Variants in BEND2 observed in about 807,000 individuals in gnomAD.
BEND2 encodes BEN domain containing 2, also known as BEN domain-containing protein 2.
Under a neutral mutation model 43.8 loss-of-function variants are expected in BEND2, and 19 were observed. That is an observed-to-expected ratio of 0.43 (90% CI 0.30 to 0.64). BEND2 has a LOEUF of 0.64. BEND2 is among the 30% of genes least tolerant of loss of function. The pLI is 0.11. For synonymous variants in BEND2, 226 were observed against 210.1 expected (o/e 1.08, Z -0.66); for missense variants, 544 against 574.0 (o/e 0.95, Z 0.53).
intron 2 of BEND2, among the ~76,000 whole-genome samples, chrX:18,214,599 G>A (rs961135739): frequency 4.5e-4 from 49 of 109,416 alleles, no homozygotes; most frequent in Non-Finnish European, 6.7e-4. Context: ...TGAGGCGGGC[G>A]GATCACTTGA....
intron 6 of BEND2, 151 bp from the exon 7 acceptor site, chrX:18,195,593 T>C (rs921309483): frequency 7.5e-5 from 40 of 533,883 alleles, no homozygotes; most frequent in Admixed American, 2.1e-4. Context: ...TAAAGGAAAA[T>C]CTCCAGGCCT....
At chrX:18,170,387 C>A (rs749032457) in intron 13 of BEND2, among the ~76,000 whole-genome samples, 1 of 111,880 alleles carries the variant, frequency 8.9e-6, no homozygotes, top group East Asian at 2.8e-4. Context: ...AACCAGGTTT[C>A]TTTATTCTGA....
At chrX:18,198,296 C>G (rs1204112436) in intron 6 of BEND2, among the ~76,000 whole-genome samples, 1 of 109,745 alleles carries the variant, frequency 9.1e-6, no homozygotes, top group Admixed American at 9.8e-5. Flanking sequence ...TTTTCGCAAC[C>G]TACTCATCTG....
chrX:18,210,234 A>C (rs1356542388), intron 4 of BEND2, among the ~76,000 whole-genome samples: 2 of 111,596 alleles, frequency 1.8e-5, no homozygotes, highest in Non-Finnish European at 3.8e-5. Flanking sequence ...GCTTTCTTGG[A>C]ATATATTTGG....
chrX:18,178,048 C>G (rs747612256), intron 9 of BEND2, among the ~76,000 whole-genome samples: 1 of 111,140 alleles, frequency 9.0e-6, no homozygotes, highest in Non-Finnish European at 1.9e-5. Flanking sequence ...CTACTCTGTT[C>G]ATTAGCTTGA....
chrX:18,201,979 C>T, intron 5 of BEND2, 39 bp from the exon 6 acceptor site: 1 of 1,162,055 alleles, frequency 8.6e-7, no homozygotes, highest in Non-Finnish European at 1.2e-6. Flanking sequence ...AATACAAGAA[C>T]TTCACCCACA....
chrX:18,195,785 G>A (rs1178046822), intron 6 of BEND2, among the ~76,000 whole-genome samples: 1 of 109,542 alleles, frequency 9.1e-6, no homozygotes, highest in Non-Finnish European at 1.9e-5. Flanking sequence ...GAGGCTGAGG[G>A]AGGGTCACCT....
intron 13 of BEND2, among the ~76,000 whole-genome samples, chrX:18,168,865 G>A (rs1219828242): frequency 8.9e-6 from 1 of 111,974 alleles, no homozygotes; most frequent in Non-Finnish European, 1.9e-5. Context: ...TCATTCAATG[G>A]GATATGAATC....
At chrX:18,215,703 T>G (rs183429877) in intron 2 of BEND2, among the ~76,000 whole-genome samples, 2 of 112,476 alleles carry the variant, frequency 1.8e-5, no homozygotes, top group Non-Finnish European at 3.7e-5. Context: ...AGAGAACTTA[T>G]GGCCTGCAAA....
chrX:18,194,673 C>T (rs1924878889), intron 7 of BEND2, among the ~76,000 whole-genome samples: 1 of 111,417 alleles, frequency 9.0e-6, no homozygotes, highest in African/African-American at 3.3e-5. Context: ...TAGGAATAAA[C>T]TATTAATAGA....
intron 4 of BEND2, among the ~76,000 whole-genome samples, chrX:18,204,303 A>G (rs1925264576): frequency 1.8e-5 from 2 of 112,329 alleles, no homozygotes; most frequent in Admixed American, 1.9e-4. Context: ...CTGCTATTAA[A>G]GTAAGTAGAG....
rs983659355 is a variant in BEND2 at position 18,163,189 on chromosome X, T to C, written c.*1820A>G. 2 of 111,310 alleles carry C rather than the reference T, an allele frequency of 1.8e-5. No individual in the cohort carries two copies. The highest frequency in any genetic ancestry group is 6.5e-5 in the African/African-American group (2 of 30,636). The allele number at this position is 111,310 out of a possible 1,213,427, so 9.2% of individuals were successfully genotyped here. A position where few individuals can be genotyped will look rare whatever the true frequency, so the allele number is the denominator to read the frequency against. On this transcript the variant is annotated 3_prime_UTR_variant, in exon 14 of 14. Coordinates refer to ENST00000380033, the MANE Select transcript of BEND2 (RefSeq NM_153346.5). ...TGATCCTCCCTCTTGAGCCCAGGAG[T>C]TCCAGATAAGCCTGGGCAATATAGC...
rs1313086616 is a variant in BEND2, at chrX:18,174,212, G to A, written c.1799C>T (p.Ala600Val). The A allele has an allele frequency of 6.6e-6, 8 of 1,211,706 alleles. No homozygotes were observed. Among genetic ancestry groups the A allele is most frequent in the Non-Finnish European group, 7.8e-6 (7 of 895,478 alleles). ...CCTTTGGTCATTTCTATCTGCAGAT[G>A]CCGATGCAACACGGTTGGTACGTTT... ...NKKRTNRVAS[A>V]SADRNDQRGR... The change falls in exon 12 of 14, where the codon GCA becomes GTA. Residue 600 changes from alanine (A) to valine (V), a missense_variant. Ala to Val is a moderately conservative substitution (Grantham distance 64). Transcript: ENST00000380033.
chrX:18,181,710 G>A (rs1012731653), intron 8 of BEND2, among the ~76,000 whole-genome samples: 4 of 111,515 alleles, frequency 3.6e-5, no homozygotes, highest in East Asian at 2.8e-4. Context: ...AGTCACATAC[G>A]TATACAGTAA....
At chrX:18,219,203 C>T (rs1326170628) in intron 1 of BEND2, among the ~76,000 whole-genome samples, 4 of 112,436 alleles carry the variant, frequency 3.6e-5, no homozygotes, top group Non-Finnish European at 7.5e-5. Flanking sequence ...CAGCCCACGC[C>T]TCGCTTTAGA....
chrX:18,207,577 T>A (rs1414167875), intron 4 of BEND2, among the ~76,000 whole-genome samples: 4 of 112,302 alleles, frequency 3.6e-5, no homozygotes, highest in Non-Finnish European at 5.6e-5. Context: ...AGTTATGGGC[T>A]TTTTTGTGAA....
intron 13 of BEND2, among the ~76,000 whole-genome samples, chrX:18,169,089 G>A (rs1423821810): frequency 1.8e-5 from 2 of 109,594 alleles, no homozygotes; most frequent in Non-Finnish European, 3.8e-5. Context: ...GGGTTGCAGT[G>A]AGCCACGATC....
In BEND2 at chrX:18,177,491, T is replaced by G. The variant is rs1179789091; in HGVS notation, c.1630+78A>C. ...TTTACACAGACTTATTGTTATTCCT[T>G]CAACTGCCAATAACATTCATTATAT... On this transcript the variant is annotated intron_variant, in intron 10 of 13. Coordinates refer to ENST00000380033, the MANE Select transcript of BEND2 (RefSeq NM_153346.5). 3 of 1,002,495 alleles carry G rather than the reference T, an allele frequency of 3.0e-6. No homozygotes were observed. The African/African-American group carries it at 5.7e-5, about 19-fold the overall frequency. 82.6% of individuals were successfully genotyped at this position (1,002,495 alleles called of 1,213,427 possible).
intron 6 of BEND2, among the ~76,000 whole-genome samples, chrX:18,200,729 T>A (rs1357835869): frequency 5.4e-5 from 6 of 111,142 alleles, no homozygotes; most frequent in Admixed American, 3.8e-4. Flanking sequence ...AAGGAAAGGA[T>A]GACATGAGGA....
Sources: gnomAD v4.1 joint callset for allele counts (sites outside exome capture counted in the v4.1 genomes callset) on GRCh38, gnomAD v4.1.1 for gene constraint, MANE v1.5 for transcripts, NCBI Gene and HGNC (gene_info 2026-07-23, HGNC 2026-07-21) for gene names.